The following KALRN variants were observed in gnomAD, a reference collection of about 807,000 sequenced individuals.
The protein encoded by KALRN is kalirin RhoGEF kinase.
A neutral mutation model predicts 353.7 loss-of-function variants in KALRN; 70 were observed. That is an observed-to-expected ratio of 0.20 (90% CI 0.16 to 0.24). The LOEUF is 0.24. Ranked by LOEUF, KALRN falls within the 10% of genes least tolerant of loss-of-function variation. The pLI is 1.00. For synonymous variants in KALRN, 1,391 were observed against 1,434.8 expected (o/e 0.97, Z 0.69); for missense variants, 2,791 against 3,756.7 (o/e 0.74, Z 6.72).
At chr3:124,405,777 G>T (rs1280606975) in intron 13 of KALRN, among the ~76,000 whole-genome samples, 1 of 151,452 alleles carries the variant, frequency 6.6e-6, no homozygotes, top group African/African-American at 2.4e-5. Flanking sequence ...CTGAGTAGCT[G>T]GGACTACAGG....
rs543507743 is a variant in KALRN, at chr3:124,205,364, G to C, written c.74-22626G>C. Among the ~76,000 whole-genome samples, 8 of 152,320 alleles carry C rather than the reference G, an allele frequency of 5.3e-5. No individual in the cohort carries two copies. In the South Asian group the frequency reaches 1.5e-3, roughly 28 times the overall value. ...CTGTTTTAGGGAGCACTCCAATCAG[G>C]TGTGATATTTTACACAAATGAAAAT... On this transcript the variant is annotated intron_variant, in intron 1 of 59. Transcript: ENST00000682506.
chr3:124,158,894 A>C (rs1210087871), intron 1 of KALRN, among the ~76,000 whole-genome samples: 6 of 152,066 alleles, frequency 3.9e-5, no homozygotes, highest in Non-Finnish European at 7.4e-5. Context: ...ATGCACACCC[A>C]ACCAGATCTG....
intron 1 of KALRN, among the ~76,000 whole-genome samples, chr3:124,081,164 C>T (rs1199678640): frequency 1.3e-5 from 2 of 152,168 alleles, no homozygotes; most frequent in Non-Finnish European, 2.9e-5. Context: ...TCTACTGTAG[C>T]GGGACTGTCA....
At chr3:124,536,196 CTTTT>C (rs34435871) in intron 33 of KALRN, among the ~76,000 whole-genome samples, 1 of 99,120 alleles carries the variant, frequency 1.0e-5, no homozygotes, top group Admixed American at 1.1e-4. Flanking sequence ...CATCCATACT[CTTTT>C]TTTTTTTTTT....
At chr3:124,147,018 C>T (rs1201739932) in intron 1 of KALRN, among the ~76,000 whole-genome samples, 1 of 151,906 alleles carries the variant, frequency 6.6e-6, no homozygotes, top group Non-Finnish European at 1.5e-5. Context: ...ATACCATGTG[C>T]TTTATATAAA....
chr3:124,653,932 T>G (rs181122972), intron 38 of KALRN, among the ~76,000 whole-genome samples: 1 of 152,336 alleles, frequency 6.6e-6, no homozygotes, highest in East Asian at 1.9e-4. Context: ...CATGGTCTCC[T>G]TCATTAACCC....
At chr3:124,560,147 G>A (rs550992669) in intron 33 of KALRN, among the ~76,000 whole-genome samples, 153 of 152,378 alleles carry the variant, frequency 1.0e-3, no homozygotes, top group Non-Finnish European at 1.7e-3. Flanking sequence ...CCACCCTAGA[G>A]GGAAGTGGGT....
At position 124,104,947 on chromosome 3, in the gene KALRN, A is replaced by C. The variant is rs1191371722; in HGVS notation, c.73+71134A>C. Among the ~76,000 whole-genome samples the C allele has an allele frequency of 2.6e-5, 4 of 152,246 alleles. No individual in the cohort carries two copies. The East Asian group carries it at 5.8e-4, about 22-fold the overall frequency. The stretch of plus-strand genomic sequence containing the variant: ...TGAAGGGGATGGATAGCTAAAGAAA[A>C]GGGGGCAGGTCAGTGTATCAGGAAG... On this transcript the variant is annotated intron_variant, in intron 1 of 59. Transcript: ENST00000682506.
rs530459271 is a variant in KALRN, at chr3:124,632,470, G to A, written c.5233G>A (p.Ala1745Thr). 20 of 1,614,008 alleles carry A rather than the reference G, an allele frequency of 1.2e-5. No homozygotes were observed. The East Asian group carries it at 3.8e-4, about 31-fold the overall frequency. The change falls in exon 35 of 60, where the codon GCC becomes ACC. Residue 1745 changes from alanine to threonine, a missense_variant. By Grantham distance (58) the Ala-to-Thr change is moderately conservative (BLOSUM62 0). Coordinates refer to ENST00000682506, the MANE Select transcript of KALRN (RefSeq NM_001388419.1). ...SENGGKSESV[A>T]NLQAQPSLNS... ...GAATGGAGGCAAGTCCGAGTCCGTGGCCAACCTGCAGGCCCAGCCCTCCCT... is the reference window on the plus strand; with the variant it reads ...GAATGGAGGCAAGTCCGAGTCCGTGACCAACCTGCAGGCCCAGCCCTCCCT...
chr3:124,416,207 A>G (rs2092485985), intron 14 of KALRN, among the ~76,000 whole-genome samples: 1 of 152,156 alleles, frequency 6.6e-6, no homozygotes, highest in South Asian at 2.1e-4. Context: ...CTGCCTGGAA[A>G]CCTGCAGCAC....
At chr3:124,368,818 G>C (rs2085393402) in intron 10 of KALRN, among the ~76,000 whole-genome samples, 1 of 152,168 alleles carries the variant, frequency 6.6e-6, no homozygotes, top group South Asian at 2.1e-4. Context: ...CCGGCACCTC[G>C]GGAGGCCGAG....
intron 1 of KALRN, among the ~76,000 whole-genome samples, chr3:124,086,732 CA>C (rs2060846177): frequency 6.6e-6 from 1 of 152,070 alleles, no homozygotes; most frequent in Non-Finnish European, 1.5e-5. Flanking sequence ...AAAATTAGTA[CA>C]AAATAAATAG....
rs1177240235 is a variant in KALRN, at chr3:124,033,509, C to CA, written c.-231dup. On this transcript the variant is annotated 5_prime_UTR_variant, in exon 1 of 60. The change creates a new upstream start codon in the 5' untranslated region. Coordinates refer to ENST00000682506, the MANE Select transcript of KALRN (RefSeq NM_001388419.1). This position sits in a 1 kb window ranked among gnomAD's most constrained non-coding sequence, Gnocchi z 6.2. Reference sequence around the variant, plus strand: ...GGCCAGCGCCCTGGGGAAGGGGTACCATGGGGGAGCTGGCGGCAGGCACCC... The same window carrying CA: ...GGCCAGCGCCCTGGGGAAGGGGTACCAATGGGGGAGCTGGCGGCAGGCACCC... 1.3e-5 allele frequency among the ~76,000 whole-genome samples: 2 copies of CA among 151,782 alleles called. No homozygotes were observed. Among genetic ancestry groups the CA allele is most frequent in the African/African-American group, 4.8e-5 (2 of 41,384 alleles).
At chr3:124,081,874 C>A (rs2060560626) in intron 1 of KALRN, among the ~76,000 whole-genome samples, 1 of 152,210 alleles carries the variant, frequency 6.6e-6, no homozygotes, top group Non-Finnish European at 1.5e-5. Flanking sequence ...TGTAGTCATC[C>A]TCACAAAGTT....
chr3:124,704,860 A>ATGGAGATG (rs1246252772), intron 57 of KALRN, among the ~76,000 whole-genome samples: 3 of 152,180 alleles, frequency 2.0e-5, no homozygotes, highest in Non-Finnish European at 4.4e-5. Context: ...CAAATAATAC[A>ATGGAGATG]TGGAGATGTT....
chr3:124,563,824 G>A (rs1423667705), intron 34 of KALRN, among the ~76,000 whole-genome samples: 1 of 152,012 alleles, frequency 6.6e-6, no homozygotes, highest in Non-Finnish European at 1.5e-5. Context: ...GCAACTTAGT[G>A]AGACCCTGTC....
At chr3:124,660,855 G>GT in intron 43 of KALRN, 68 bp from the exon 44 acceptor site, 1 of 1,111,056 alleles carries the variant, frequency 9.0e-7, no homozygotes. Flanking sequence ...TTTATGATAA[G>GT]TTTTTTCCCA....
intron 1 of KALRN, among the ~76,000 whole-genome samples, chr3:124,105,009 C>T (rs1295213875): frequency 6.6e-6 from 1 of 152,148 alleles, no homozygotes; most frequent in Non-Finnish European, 1.5e-5. Flanking sequence ...TCATGGGGAA[C>T]TTCTGAGCAT....
intron 33 of KALRN, among the ~76,000 whole-genome samples, chr3:124,551,915 A>C (rs1169833394): frequency 6.6e-6 from 1 of 152,204 alleles, no homozygotes; most frequent in Non-Finnish European, 1.5e-5. Flanking sequence ...GGCTGGACTC[A>C]TTAGGCTTGG....
Sources: allele counts gnomAD v4.1 joint callset (sites outside exome capture counted in the v4.1 genomes callset), GRCh38; gene constraint gnomAD v4.1.1; non-coding constraint Gnocchi (gnomAD v3.1); transcripts MANE v1.5; gene names NCBI Gene and HGNC (gene_info 2026-07-23, HGNC 2026-07-21).